The following CSGALNACT1 variants were observed in gnomAD, a reference collection of about 807,000 sequenced individuals.
CSGALNACT1 encodes the protein chondroitin sulfate N-acetylgalactosaminyltransferase 1, also known as beta4GalNAcT-1.
In CSGALNACT1, 52 loss-of-function variants were observed where a neutral mutation model predicts 51.0. The ratio of observed to expected loss-of-function variants is 1.02; its 90% CI spans 0.82 to 1.29. CSGALNACT1 has a LOEUF of 1.29. CSGALNACT1 is among the 50% of genes most tolerant of loss of function. The pLI, the probability that CSGALNACT1 is intolerant of heterozygous loss-of-function variation, is 0.00. For synonymous variants in CSGALNACT1, 341 were observed against 254.4 expected (o/e 1.34, Z -3.24); for missense variants, 935 against 679.2 (o/e 1.38, Z -4.19).
intron 4 of CSGALNACT1, among the ~76,000 whole-genome samples, chr8:19,484,701 A>G (rs2072415841): frequency 6.6e-6 from 1 of 152,194 alleles, no homozygotes; most frequent in Non-Finnish European, 1.5e-5. Context: ...CACATGTTGA[A>G]ACTCTAATCC....
intron 3 of CSGALNACT1, among the ~76,000 whole-genome samples, chr8:19,527,372 G>T (rs1026082500): frequency 6.6e-6 from 1 of 152,118 alleles, no homozygotes; most frequent in Non-Finnish European, 1.5e-5. Flanking sequence ...AGGCTGAGGA[G>T]GGTGGATCAC....
At chr8:19,470,774 G>A (rs139630749) in intron 4 of CSGALNACT1, among the ~76,000 whole-genome samples, 4 of 152,276 alleles carry the variant, frequency 2.6e-5, no homozygotes, top group East Asian at 1.9e-4. Flanking sequence ...GCCCTAAGGA[G>A]AAGCAATGTC....
At chr8:19,649,314 A>G (rs2154182451) in intron 1 of CSGALNACT1, among the ~76,000 whole-genome samples, 1 of 152,292 alleles carries the variant, frequency 6.6e-6, no homozygotes, top group East Asian at 1.9e-4. Context: ...TTCTAAGAGT[A>G]GTCACTCTAA....
At chr8:19,647,759 A>T (rs62494485) in intron 1 of CSGALNACT1, among the ~76,000 whole-genome samples, 3 of 152,242 alleles carry the variant, frequency 2.0e-5, no homozygotes, top group African/African-American at 7.2e-5. Context: ...TTAGATGCTG[A>T]TACAAGCTTT....
intron 2 of CSGALNACT1, among the ~76,000 whole-genome samples, chr8:19,591,507 T>C (rs184118964): frequency 6.6e-6 from 1 of 152,332 alleles, no homozygotes; most frequent in African/African-American, 2.4e-5. Flanking sequence ...TCAACTGAAG[T>C]CCAACCGTGT....
At chr8:19,637,839 G>GTT (rs11461273) in intron 1 of CSGALNACT1, among the ~76,000 whole-genome samples, 5,713 of 143,732 alleles carry the variant, frequency 0.04, 278 homozygotes, top group African/African-American at 0.11. Context: ...AGCCTGACCA[G>GTT]TTTTTTTTTT....
At chr8:19,425,121 T>C (rs188665322) in intron 6 of CSGALNACT1, among the ~76,000 whole-genome samples, 79 of 152,244 alleles carry the variant, frequency 5.2e-4, no homozygotes, top group Admixed American at 1.2e-3. Flanking sequence ...GACAGGCAGA[T>C]CACTTGAGGT....
rs181951575 is a variant in CSGALNACT1, at chr8:19,488,321, G to A, written c.634+16880C>T. ...GCTGAGCTCATGCCACTGCACTCCA[G>A]TCTGAGCAACAGAGCGAGACTCCAT... On this transcript the variant is annotated intron_variant, in intron 4 of 9. Coordinates refer to ENST00000454498, the Ensembl canonical transcript of CSGALNACT1. Among the ~76,000 whole-genome samples, 321 of 148,802 alleles carry A rather than the reference G, an allele frequency of 2.2e-3. 3 individuals carry two copies. The highest frequency in any genetic ancestry group is 7.5e-3 in the African/African-American group (305 of 40,632).
exon 10 of CSGALNACT1, chr8:19,405,666 C>A (rs754884146): frequency 1.5e-6 from 2 of 1,325,264 alleles, no homozygotes; most frequent in Non-Finnish European, 2.1e-6. Flanking sequence ...TCATCTCTGA[C>A]CCATCAGTCC....
intron 1 of CSGALNACT1, among the ~76,000 whole-genome samples, chr8:19,638,260 G>A (rs2056341419): frequency 6.6e-6 from 1 of 152,122 alleles, no homozygotes; most frequent in South Asian, 2.1e-4. Flanking sequence ...GGGCTTGAGA[G>A]GCTGCCCTCC....
At chr8:19,495,765 A>T (rs971863591) in intron 4 of CSGALNACT1, among the ~76,000 whole-genome samples, 5 of 152,226 alleles carry the variant, frequency 3.3e-5, no homozygotes, top group Non-Finnish European at 7.4e-5. Flanking sequence ...TTATTTCTGA[A>T]CCAAGGGTTT....
chr8:19,540,035 A>G (rs979132124), intron 3 of CSGALNACT1, among the ~76,000 whole-genome samples: 6 of 152,300 alleles, frequency 3.9e-5, no homozygotes, highest in Non-Finnish European at 7.4e-5. Context: ...ACACAGAGAG[A>G]GTAGCAGAGC....
intron 1 of CSGALNACT1, among the ~76,000 whole-genome samples, chr8:19,728,786 G>A (rs1299326319): frequency 6.6e-6 from 1 of 152,004 alleles, no homozygotes; most frequent in Non-Finnish European, 1.5e-5. Flanking sequence ...ACATTTTTAG[G>A]TGTGTATGAC....
chr8:19,546,730 A>C (rs979827534), intron 3 of CSGALNACT1, among the ~76,000 whole-genome samples: 1 of 152,220 alleles, frequency 6.6e-6, no homozygotes, highest in Non-Finnish European at 1.5e-5. Flanking sequence ...TGTAATAAAC[A>C]AAAACCTATA....
intron 1 of CSGALNACT1, among the ~76,000 whole-genome samples, chr8:19,626,665 G>A (rs2154166506): frequency 6.6e-6 from 1 of 152,310 alleles, no homozygotes; most frequent in East Asian, 1.9e-4. Context: ...GAACATGTCT[G>A]CAAAATACAT....
At chr8:19,665,185 TG>T (rs2059090141) in intron 1 of CSGALNACT1, among the ~76,000 whole-genome samples, 1 of 152,210 alleles carries the variant, frequency 6.6e-6, no homozygotes, top group South Asian at 2.1e-4. Context: ...GGCTAATTTT[TG>T]TATTTTTAGT....
intron 6 of CSGALNACT1, among the ~76,000 whole-genome samples, chr8:19,429,352 T>C (rs1039029787): frequency 3.9e-5 from 6 of 152,132 alleles, no homozygotes; most frequent in Admixed American, 3.9e-4. Context: ...AATTTTTATA[T>C]TTTTAGTAGA....
At chr8:19,499,387 A>G (rs2076036119) in intron 4 of CSGALNACT1, among the ~76,000 whole-genome samples, 1 of 152,230 alleles carries the variant, frequency 6.6e-6, no homozygotes, top group Non-Finnish European at 1.5e-5. Flanking sequence ...CTGGGGCCTA[A>G]CACAGTTCTT....
At chr8:19,756,501 T>C (rs1273388033) in intron 1 of CSGALNACT1, among the ~76,000 whole-genome samples, 2 of 152,170 alleles carry the variant, frequency 1.3e-5, no homozygotes, top group Admixed American at 6.5e-5. Flanking sequence ...GGAATGCAGG[T>C]GCAGGAAGTG....
Sources: gnomAD v4.1 joint callset for allele counts (sites outside exome capture counted in the v4.1 genomes callset) on GRCh38, gnomAD v4.1.1 for gene constraint, MANE v1.5 for transcripts, NCBI Gene and HGNC (gene_info 2026-07-23, HGNC 2026-07-21) for gene names.